The following PSAT1 variants were observed in gnomAD, a reference collection of about 807,000 sequenced individuals.
PSAT1 encodes phosphoserine aminotransferase 1, also known as phosphoserine aminotransferase.
Under a neutral mutation model 40.3 loss-of-function variants are expected in PSAT1, and 41 were observed. The observed-to-expected ratio is 1.02, with a 90% CI of 0.79 to 1.32. The LOEUF (loss-of-function observed/expected upper bound fraction) is 1.32. Ranked by LOEUF, PSAT1 falls within the 40% of genes most tolerant of loss-of-function variation. The pLI, the probability that PSAT1 is intolerant of heterozygous loss-of-function variation, is 0.00. For synonymous variants in PSAT1, 147 were observed against 170.5 expected (o/e 0.86, Z 1.07); for missense variants, 406 against 455.8 (o/e 0.89, Z 0.99).
rs1310310745 is a variant in PSAT1 at position 78,301,940 on chromosome 9, C to G, written c.122-14C>G. 6.3e-7 allele frequency: 1 copy of G among 1,587,854 alleles called. No individual in the cohort carries two copies. The highest frequency in any genetic ancestry group is 1.7e-4 in the Middle Eastern group (1 of 5,982). Reference sequence around the variant, plus strand: ...TGGAATATTTGTTATTGTTGTTTATCTTTCCTTTCACAGAAATGAGTCACA... The same window carrying G: ...TGGAATATTTGTTATTGTTGTTTATGTTTCCTTTCACAGAAATGAGTCACA... On this transcript the variant is annotated splice_polypyrimidine_tract_variant and intron_variant, in intron 2 of 8. Transcript: ENST00000376588.
At chr9:78,298,167 CCCCGCCAAACCCACCGTCCCCAGCCCCA>C in intron 1 of PSAT1, 1 of 285,766 alleles carries the variant, frequency 3.5e-6, no homozygotes, top group Non-Finnish European at 5.3e-6. Context: ...TCCTCCCCTC[CCCCGCCAAACCCACCGTCCCCAGCCCCA>C]CCCGCAGTGA....
At chr9:78,310,616 AT>A (rs61004589) in intron 6 of PSAT1, among the ~76,000 whole-genome samples, 221 of 145,666 alleles carry the variant, frequency 1.5e-3, no homozygotes, top group Middle Eastern at 3.5e-3. Context: ...AAAGGAAAGA[AT>A]TTTTTTTTTT....
chr9:78,327,901 A>G, intron 7 of PSAT1, 150 bp from the exon 8 acceptor site: 1 of 785,548 alleles, frequency 1.3e-6, no homozygotes, highest in Non-Finnish European at 2.1e-6. Context: ...AGTAAACAAT[A>G]AATGTGCTGG....
At chr9:78,299,121 T>C (rs7851021) in intron 1 of PSAT1, among the ~76,000 whole-genome samples, 97,535 of 135,392 alleles carry the variant, frequency 0.72, 34,791 homozygotes, top group African/African-American at 0.79. Flanking sequence ...GGCTGGGTGA[T>C]AGAGCAAGAC....
rs550727446 is a variant in PSAT1 at position 78,329,254 on chromosome 9, C to G, written c.*168C>G. On this transcript the variant is annotated 3_prime_UTR_variant, in exon 9 of 9. Transcript: ENST00000376588. ...GCAAAACATCCACAACTCTGTAAAG[C>G]TGGTGGGACCTAATGTCACCTTAAT... The G allele has an allele frequency of 1.6e-6, 1 of 633,726 alleles. No homozygotes were observed. Among genetic ancestry groups the G allele is most frequent in the African/African-American group, 1.8e-5 (1 of 55,144 alleles). 39.3% of individuals were successfully genotyped at this position (633,726 alleles called of 1,614,324 possible).
At chr9:78,301,362 G>A (rs1031479014) in intron 2 of PSAT1, among the ~76,000 whole-genome samples, 2 of 151,734 alleles carry the variant, frequency 1.3e-5, no homozygotes, top group Non-Finnish European at 2.9e-5. Flanking sequence ...AAGTTTAAAA[G>A]TACATAAGCC....
intron 7 of PSAT1, among the ~76,000 whole-genome samples, chr9:78,318,005 CT>C (rs1270660102): frequency 6.6e-5 from 10 of 152,286 alleles, no homozygotes; most frequent in Admixed American, 6.5e-4. Context: ...GGCTCTCAGG[CT>C]TTGGGACCTG....
chr9:78,305,038 A>G (rs1241624632), intron 4 of PSAT1, 98 bp downstream of exon 4: 1 of 1,071,830 alleles, frequency 9.3e-7, no homozygotes, highest in East Asian at 2.7e-5. Context: ...TCCCCTTGAC[A>G]GTGTTAGTTC....
intron 7 of PSAT1, among the ~76,000 whole-genome samples, chr9:78,318,549 C>T (rs1019677011): frequency 2.6e-5 from 4 of 152,192 alleles, no homozygotes; most frequent in African/African-American, 9.7e-5. Flanking sequence ...TCCAGAGAGC[C>T]ATGCCTTGCC....
At chr9:78,303,942 A>G (rs1211865522) in intron 3 of PSAT1, among the ~76,000 whole-genome samples, 3 of 151,970 alleles carry the variant, frequency 2.0e-5, no homozygotes. Context: ...AGCCATTCTC[A>G]TCATTATCTT....
rs1399951449 is a variant in PSAT1, at chr9:78,297,170, T to G, written c.-41T>G. 1.9e-6 allele frequency: 3 copies of G among 1,575,096 alleles called. No homozygotes were observed. The highest frequency in any genetic ancestry group is 2.6e-6 in the Non-Finnish European group (3 of 1,163,712). On this transcript the variant is annotated 5_prime_UTR_variant, in exon 1 of 9. Coordinates refer to ENST00000376588, the MANE Select transcript of PSAT1 (RefSeq NM_058179.4). The stretch of plus-strand genomic sequence containing the variant: ...CCAGGAACGCCAGCCGTTCACGCGT[T>G]CGGTCCTCCTTGGCTGACTCACCGC...
chr9:78,310,213 C>A (rs1372408792), intron 6 of PSAT1, among the ~76,000 whole-genome samples: 1 of 152,092 alleles, frequency 6.6e-6, no homozygotes, highest in Non-Finnish European at 1.5e-5. Flanking sequence ...AGTAGGTAGC[C>A]AGTGTTATGA....
At chr9:78,312,512 A>G (rs1828283004) in intron 6 of PSAT1, among the ~76,000 whole-genome samples, 1 of 151,990 alleles carries the variant, frequency 6.6e-6, no homozygotes, top group South Asian at 2.1e-4. Flanking sequence ...CCTGACCAAC[A>G]TGGACAAACC....
At chr9:78,317,550 T>C in intron 6 of PSAT1, 126 bp from the exon 7 acceptor site, 1 of 1,169,506 alleles carries the variant, frequency 8.6e-7, no homozygotes, top group Non-Finnish European at 1.3e-6. Context: ...TGCATTTGAC[T>C]ATCTTGTCTA....
chr9:78,318,652 G>A (rs1334129460), intron 7 of PSAT1, among the ~76,000 whole-genome samples: 2 of 152,118 alleles, frequency 1.3e-5, no homozygotes, highest in African/African-American at 4.8e-5. Context: ...TCTTTCTGCC[G>A]TGTCTTCCCT....
At chr9:78,307,458 A>G (rs1587637021) in intron 5 of PSAT1, among the ~76,000 whole-genome samples, 1 of 152,224 alleles carries the variant, frequency 6.6e-6, no homozygotes, top group Non-Finnish European at 1.5e-5. Context: ...TATTTGGTTT[A>G]TGGTCTGCTT....
intron 1 of PSAT1, chr9:78,298,528 G>C (rs781537074): frequency 3.5e-5 from 26 of 752,452 alleles, no homozygotes; most frequent in Middle Eastern, 6.8e-4. Context: ...GAGATTCCCT[G>C]CTCCAGCTGT....
rs773407304 is a variant in PSAT1, at chr9:78,329,000, G to T, written c.1027G>T (p.Ala343Ser). The T allele has an allele frequency of 2.5e-6, 4 of 1,613,806 alleles. No individual in the cohort carries two copies. Among genetic ancestry groups the T allele is most frequent in the Non-Finnish European group, 1.7e-6 (2 of 1,179,800 alleles). Residue 343 changes from alanine (A) to serine (S), a missense_variant, in exon 9 of 9, where the codon GCC becomes TCC. Transcript: ENST00000376588. ...TTCTAGGTCTGTGGGAGGCATCCGG[G>T]CCTCTCTGTATAATGCTGTCACAAT... ...KGHRSVGGIR[A>S]SLYNAVTIED...
rs752037444 is a variant in PSAT1, at chr9:78,301,974, G to A, written c.142G>A (p.Asp48Asn). ...SVLEMSHRSS[D>N]FAKIINNTEN... is the part of the protein sequence containing the mutation. ...CACAGAAATGAGTCACAGGTCATCA[G>A]ATTTTGCCAAGATTATTAACAATAC... Residue 48 changes from aspartate to asparagine, a missense_variant, in exon 3 of 9, where the codon GAT (aspartate) becomes AAT (asparagine). Asp to Asn is a conservative substitution (Grantham distance 23). Coordinates refer to ENST00000376588, the MANE Select transcript of PSAT1 (RefSeq NM_058179.4). The A allele has an allele frequency of 3.1e-6, 5 of 1,611,576 alleles. No homozygotes were observed. Among genetic ancestry groups the A allele is most frequent in the Non-Finnish European group, 4.2e-6 (5 of 1,177,814 alleles).
Sources: gnomAD v4.1 joint callset for allele counts (sites outside exome capture counted in the v4.1 genomes callset) on GRCh38, gnomAD v4.1.1 for gene constraint, MANE v1.5 for transcripts, NCBI Gene and HGNC (gene_info 2026-07-23, HGNC 2026-07-21) for gene names.